The following NDUFS4 variants were observed in gnomAD, a reference collection of about 807,000 sequenced individuals.
The protein encoded by NDUFS4 is NADH dehydrogenase [ubiquinone] iron-sulfur protein 4, mitochondrial.
A neutral mutation model predicts 24.3 loss-of-function variants in NDUFS4; 28 were observed. The observed-to-expected ratio is 1.15, with a 90% CI of 0.85 to 1.58. The LOEUF is 1.58. Ranked by LOEUF, NDUFS4 falls within the 40% of genes most tolerant of loss-of-function variation. NDUFS4 has a pLI of 0.00. For synonymous variants in NDUFS4, 93 were observed against 69.7 expected, an observed-to-expected ratio of 1.34 and a Z score of -1.67; for missense variants, 223 against 207.9, an observed-to-expected ratio of 1.07 and a Z score of -0.45.
chr5:53,610,661 A>G (rs1750666656), intron 2 of NDUFS4, among the ~76,000 whole-genome samples: 1 of 152,210 alleles, frequency 6.6e-6, no homozygotes, highest in African/African-American at 2.4e-5. Flanking sequence ...AGTTTTTAAC[A>G]GTATAAAGGA....
Position 53,592,931 on chromosome 5 carries a change from G to A in NDUFS4, c.99-10521G>A, listed in dbSNP as rs537741002. Among the ~76,000 whole-genome samples, 43 of 152,168 alleles carry A rather than the reference G, an allele frequency of 2.8e-4. No homozygotes were observed. In the South Asian group the frequency reaches 8.1e-3, roughly 29 times the overall value. ...GGTCATGGTATATAAATCTTTTCAT[G>A]CATTGTTGAATTTAGTGCTAATATC... On this transcript the variant is annotated intron_variant, in intron 1 of 4. Transcript: ENST00000296684.
intron 1 of NDUFS4, among the ~76,000 whole-genome samples, chr5:53,579,908 G>A (rs1414222317): frequency 6.6e-6 from 1 of 152,184 alleles, no homozygotes; most frequent in Non-Finnish European, 1.5e-5. Flanking sequence ...AATGCCAACA[G>A]TCTCTAAAAG....
chr5:53,643,839 C>CT (rs1161914129), intron 2 of NDUFS4, among the ~76,000 whole-genome samples: 1 of 152,108 alleles, frequency 6.6e-6, no homozygotes, highest in African/African-American at 2.4e-5. Flanking sequence ...CATGCAAAAA[C>CT]TGATTCTGTG....
At chr5:53,635,709 A>G (rs1040147252) in intron 2 of NDUFS4, among the ~76,000 whole-genome samples, 5 of 152,182 alleles carry the variant, frequency 3.3e-5, no homozygotes, top group Non-Finnish European at 7.4e-5. Context: ...CTAGGCATTG[A>G]TCCTTCATTT....
At chr5:53,682,876 T>G (rs1231101541) in intron 4 of NDUFS4, among the ~76,000 whole-genome samples, 3 of 152,084 alleles carry the variant, frequency 2.0e-5, no homozygotes, top group African/African-American at 7.2e-5. Context: ...TGAATCATAG[T>G]TTACATCTTT....
intron 1 of NDUFS4, among the ~76,000 whole-genome samples, chr5:53,583,973 A>G (rs256110): frequency 0.79 from 120,873 of 152,192 alleles, 48,243 homozygotes; most frequent in African/African-American, 0.87. Context: ...CAATCTTGGG[A>G]TGTTGGATGA....
intron 2 of NDUFS4, among the ~76,000 whole-genome samples, chr5:53,608,406 A>G (rs995238198): frequency 1.3e-5 from 2 of 152,204 alleles, no homozygotes; most frequent in African/African-American, 2.4e-5. Context: ...TCCTTTCATG[A>G]AAAATTTCTC....
chr5:53,560,705 T>C lies in NDUFS4; in HGVS notation c.43T>C (p.Trp15Arg), dbSNP rs1748805709. Residue 15 changes from tryptophan (W) to arginine (R), a missense_variant, in exon 1 of 5, where the codon TGG becomes CGG. Transcript: ENST00000296684. Reference protein sequence around the residue: ...SMSVVLRQTLWRRRAVAVAAL... With the variant: ...SMSVVLRQTLRRRRAVAVAAL... The stretch of plus-strand genomic sequence containing the variant: ...GTCAGTGGTACTGAGGCAGACGTTG[T>C]GGCGGAGAAGGGCAGTGGCTGTAGC... The C allele has an allele frequency of 1.9e-6, 3 of 1,614,236 alleles. No homozygotes were observed. Among genetic ancestry groups the C allele is most frequent in the South Asian group, 1.1e-5 (1 of 91,080 alleles).
chr5:53,565,912 G>A (rs1042762348), intron 1 of NDUFS4, among the ~76,000 whole-genome samples: 1 of 152,308 alleles, frequency 6.6e-6, no homozygotes, highest in Non-Finnish European at 1.5e-5. Context: ...GGTGGCTCAC[G>A]CCTGTAATCC....
chr5:53,577,482 ATTTT>A (rs34395834), intron 1 of NDUFS4, among the ~76,000 whole-genome samples: 1 of 146,710 alleles, frequency 6.8e-6, no homozygotes, highest in Non-Finnish European at 1.5e-5. Context: ...ATAGTCTGCT[ATTTT>A]TTTTTTTTTT....
intron 2 of NDUFS4, among the ~76,000 whole-genome samples, chr5:53,611,781 C>A (rs572539758): frequency 1.1e-4 from 17 of 151,994 alleles, no homozygotes; most frequent in African/African-American, 4.1e-4. Context: ...TTTCTTTATG[C>A]CTCCCTCCAC....
chr5:53,679,876 G>T, intron 4 of NDUFS4, among the ~76,000 whole-genome samples: 1 of 151,182 alleles, frequency 6.6e-6, no homozygotes, highest in East Asian at 2.0e-4. Context: ...TAATTTTCCA[G>T]CTATCATTAT....
chr5:53,665,448 C>T (rs927113845), intron 4 of NDUFS4, among the ~76,000 whole-genome samples: 1 of 152,226 alleles, frequency 6.6e-6, no homozygotes, highest in African/African-American at 2.4e-5. Flanking sequence ...GGCAGGCAGG[C>T]CTTCTTGAGC....
chr5:53,607,724 G>T (rs1750568784), intron 2 of NDUFS4, among the ~76,000 whole-genome samples: 5 of 152,034 alleles, frequency 3.3e-5, no homozygotes, highest in Admixed American at 3.3e-4. Context: ...TGAATATTTT[G>T]CTCCTTTTTC....
intron 3 of NDUFS4, 81 bp downstream of exon 3, chr5:53,646,486 CTT>C (rs1017591368): frequency 3.6e-5 from 51 of 1,431,166 alleles, no homozygotes; most frequent in African/African-American, 3.5e-4. Flanking sequence ...TTTTCAAACT[CTT>C]TTATGTACAA....
At chr5:53,622,412 C>T (rs1751075160) in intron 2 of NDUFS4, among the ~76,000 whole-genome samples, 1 of 152,090 alleles carries the variant, frequency 6.6e-6, no homozygotes, top group Admixed American at 6.6e-5. Context: ...GTCTTCCTAG[C>T]TTGTGGAAGG....
intron 3 of NDUFS4, among the ~76,000 whole-genome samples, chr5:53,648,841 T>C (rs1466152082): frequency 1.3e-5 from 2 of 151,344 alleles, no homozygotes; most frequent in Non-Finnish European, 3.0e-5. Flanking sequence ...TTTGAGACCA[T>C]TTTTTTTTCC....
chr5:53,582,246 T>A (rs11740870), intron 1 of NDUFS4, among the ~76,000 whole-genome samples: 265 of 124,258 alleles, frequency 2.1e-3, no homozygotes, highest in Middle Eastern at 9.1e-3. Context: ...AAAATAAAAT[T>A]AAATTAAAAT....
chr5:53,667,998 G>T (rs1222805719), intron 4 of NDUFS4, among the ~76,000 whole-genome samples: 1 of 152,128 alleles, frequency 6.6e-6, no homozygotes, highest in Non-Finnish European at 1.5e-5. Context: ...TGTTAATACA[G>T]CTGATTCTGT....
Sources: allele counts gnomAD v4.1 joint callset (sites outside exome capture counted in the v4.1 genomes callset), GRCh38; gene constraint gnomAD v4.1.1; transcripts MANE v1.5; gene names NCBI Gene and HGNC (gene_info 2026-07-23, HGNC 2026-07-21).